Variants in MEG3 observed in about 807,000 individuals in gnomAD.
The protein encoded by MEG3 is maternally expressed 3.
At chr14:100,836,007 C>T in intron 1 of MEG3, 1 of 348,948 alleles carries the variant, frequency 2.9e-6, no homozygotes, top group Non-Finnish European at 5.5e-6. Flanking sequence ...CCCGTTGCTG[C>T]TTTGCACCTT....
chr14:100,836,103 G>C (rs2037567297), intron 1 of MEG3: 2 of 407,266 alleles, frequency 4.9e-6, no homozygotes, highest in Non-Finnish European at 9.6e-6. Context: ...GTCTTTCTTC[G>C]GTGTGTTTGG....
intron 2 of MEG3, among the ~76,000 whole-genome samples, chr14:100,839,449 G>A (rs936304825): frequency 6.6e-6 from 1 of 152,190 alleles, no homozygotes; most frequent in Non-Finnish European, 1.5e-5. Flanking sequence ...GAAAAGAGGT[G>A]TACCTTTTGA....
At chr14:100,843,006 C>G (rs1359357522) in intron 2 of MEG3, among the ~76,000 whole-genome samples, 1 of 152,186 alleles carries the variant, frequency 6.6e-6, no homozygotes, top group African/African-American at 2.4e-5. Context: ...TCTAGCCCAG[C>G]ACTGCGTTAT....
At chr14:100,847,204 C>A (rs1055273824) in intron 3 of MEG3, 1 of 151,532 alleles carries the variant, frequency 6.6e-6, no homozygotes, top group Non-Finnish European at 1.5e-5. Context: ...ACCCAGTGGG[C>A]GAAAGATGAG....
chr14:100,846,861 A>C (rs2037932120), intron 3 of MEG3: 1 of 152,198 alleles, frequency 6.6e-6, no homozygotes, highest in East Asian at 1.9e-4. Flanking sequence ...TTTGACAATG[A>C]AAAAGAACCT....
intron 3 of MEG3, chr14:100,846,809 T>C (rs1272253405): frequency 6.6e-6 from 1 of 152,184 alleles, no homozygotes; most frequent in Non-Finnish European, 1.5e-5. Context: ...CAGGTGATTA[T>C]GGACTAAGGG....
intron 1 of MEG3, chr14:100,860,678 G>C (rs762050983): frequency 2.2e-6 from 1 of 456,668 alleles, no homozygotes; most frequent in Non-Finnish European, 4.4e-6. Context: ...ATCTGCAACT[G>C]TGTCTCTCTC....
intron 3 of MEG3, chr14:100,847,336 G>T (rs963717848): frequency 1.3e-5 from 2 of 152,252 alleles, no homozygotes; most frequent in Non-Finnish European, 2.9e-5. Flanking sequence ...ATGGATGAAT[G>T]AGCAGTGGGA....
At chr14:100,834,428 A>G in exon 1 of MEG3, 7 of 276,560 alleles carry the variant, frequency 2.5e-5, no homozygotes, top group South Asian at 2.3e-4. Flanking sequence ...AGCCCTAAAA[A>G]CTTTCAAAAG....
At chr14:100,849,123 T>C (rs2037997240) in intron 3 of MEG3, 1 of 151,998 alleles carries the variant, frequency 6.6e-6, no homozygotes. Context: ...ATATAAGCAA[T>C]ACAAACATAT....
chr14:100,834,862 G>A lies in MEG3; in HGVS notation n.1894G>A, dbSNP rs1463620525. 8.8e-6 allele frequency: 4 copies of A among 455,016 alleles called. No homozygotes were observed. In the East Asian group the frequency reaches 2.1e-4, roughly 24 times the overall value. 28.2% of individuals were successfully genotyped at this position (455,016 alleles called of 1,614,324 possible). A position where few individuals can be genotyped will look rare whatever the true frequency, so the allele number is the denominator to read the frequency against. On this transcript the variant is annotated non_coding_transcript_exon_variant, in exon 1 of 4. Coordinates refer to the MEG3 transcript ENST00000398461. ...GAATTCATTTTTGAGAGGTGTGTGA[G>A]CAGCTTCCGACCCCTGCCCCATTTG...
intron 2 of MEG3, among the ~76,000 whole-genome samples, chr14:100,838,761 C>T (rs1413103594): frequency 6.6e-6 from 1 of 152,082 alleles, no homozygotes; most frequent in Non-Finnish European, 1.5e-5. Flanking sequence ...GCTCTCCTCT[C>T]GCACCTGCCC....
chr14:100,855,570 C>G (rs3783358), upstream of MEG3: 50,187 of 152,144 alleles, frequency 0.33, 8,573 homozygotes, highest in Admixed American at 0.42. Context: ...CATGGTCCCT[C>G]CCATGAGCTT....
exon 1 of MEG3, chr14:100,859,980 T>C (rs190014796): frequency 6.6e-6 from 1 of 152,474 alleles, no homozygotes; most frequent in East Asian, 1.9e-4. Flanking sequence ...CCTGGCACGG[T>C]TATTGTGGGC....
upstream of MEG3, chr14:100,853,728 G>C (rs140231312): frequency 6.6e-6 from 1 of 152,058 alleles, no homozygotes; most frequent in Non-Finnish European, 1.5e-5. Context: ...TTATTCTTAT[G>C]TATAACCACC....
chr14:100,830,363 ACACACACACACACACACACACC>A (rs2037361833), downstream of MEG3: 1 of 146,520 alleles, frequency 6.8e-6, no homozygotes, highest in South Asian at 2.3e-4. Context: ...ACACACACAC[ACACACACACACACACACACACC>A]CCCTCGTGTA....
exon 2 of MEG3, chr14:100,860,750 C>T (rs573681253): frequency 2.2e-6 from 1 of 455,816 alleles, no homozygotes; most frequent in East Asian, 7.0e-5. Context: ...GACCCAGAGA[C>T]TCTGGACCCG....
chr14:100,838,837 C>T (rs1454228864), intron 2 of MEG3, among the ~76,000 whole-genome samples: 2 of 152,072 alleles, frequency 1.3e-5, no homozygotes, highest in African/African-American at 4.8e-5. Flanking sequence ...AAAGGAAGAA[C>T]ATGACCCCTC....
chr14:100,835,911 G>A (rs990023407), intron 1 of MEG3: 5 of 292,366 alleles, frequency 1.7e-5, no homozygotes, highest in South Asian at 3.1e-5. Flanking sequence ...CTTTGCCTCC[G>A]CCGTGGCCCT....
Sources: gnomAD v4.1 joint callset for allele counts (sites outside exome capture counted in the v4.1 genomes callset) on GRCh38, gnomAD v4.1.1 for gene constraint, MANE v1.5 for transcripts, NCBI Gene and HGNC (gene_info 2026-07-23, HGNC 2026-07-21) for gene names.